Variants in RGMA observed in about 807,000 individuals in gnomAD.
RGMA encodes repulsive guidance molecule BMP co-receptor a.
Under a neutral mutation model 23.2 loss-of-function variants are expected in RGMA, and 10 were observed. The ratio of observed to expected loss-of-function variants is 0.43; its 90% CI spans 0.27 to 0.73. The LOEUF (loss-of-function observed/expected upper bound fraction) is 0.73, where lower values mean the gene tolerates loss of function less well. Among genes scored for constraint, RGMA ranks in the 30% least tolerant of loss-of-function variants. The probability of loss-of-function intolerance (pLI) is 0.20; values close to 1 mark genes in which losing one functional copy is unlikely to be tolerated. For synonymous variants in RGMA, 308 were observed against 279.3 expected (o/e 1.10, Z -1.03); for missense variants, 547 against 630.5 (o/e 0.87, Z 1.42).
At chr15:93,065,920 G>C (rs1417283296) in intron 2 of RGMA, 7 of 729,714 alleles carry the variant, frequency 9.6e-6, no homozygotes, top group Non-Finnish European at 1.2e-5. Flanking sequence ...GGGGGGCCGA[G>C]GGACTCGCAC....
chr15:93,073,096 T>A lies in RGMA; in HGVS notation c.15-65A>T, dbSNP rs997920136. The A allele has an allele frequency of 5.6e-6, 8 of 1,419,948 alleles. No individual in the cohort carries two copies. In the Admixed American group the frequency reaches 7.6e-5, roughly 14 times the overall value. The allele number at this position is 1,419,948 out of a possible 1,614,324, so 88.0% of individuals were successfully genotyped here. ...CGCTGCGAAGAAAGGGCAGCCTCGC[T>A]CCGCCGGCGGGAGCAGCGAGCCGGG... On this transcript the variant is annotated intron_variant, in intron 1 of 3. Coordinates refer to ENST00000329082, the MANE Select transcript of RGMA (RefSeq NM_020211.3).
At chr15:93,058,597 T>C (rs1475912838) in intron 2 of RGMA, among the ~76,000 whole-genome samples, 1 of 152,216 alleles carries the variant, frequency 6.6e-6, no homozygotes, top group Non-Finnish European at 1.5e-5. Flanking sequence ...TAGCCCTTAA[T>C]ATAGACCCAG....
chr15:93,064,521 T>C (rs1485271199), intron 2 of RGMA, among the ~76,000 whole-genome samples: 2 of 152,100 alleles, frequency 1.3e-5, no homozygotes, highest in East Asian at 3.9e-4. Flanking sequence ...CTTCTGCGTG[T>C]GGGGGAAGAA....
At position 93,037,259 on chromosome 15, in the gene RGMA, C is replaced by T. The variant is rs2054671245; in HGVS notation, c.*7739G>A. 1 of 152,260 alleles carries T rather than the reference C, an allele frequency of 6.6e-6. No homozygotes were observed. The highest frequency in any genetic ancestry group is 2.4e-5 in the African/African-American group (1 of 41,468). 9.4% of individuals were successfully genotyped at this position (152,260 alleles called of 1,614,324 possible). A position where few individuals can be genotyped will look rare whatever the true frequency, so the allele number is the denominator to read the frequency against. On this transcript the variant is annotated 3_prime_UTR_variant, in exon 4 of 4. Transcript: ENST00000329082. The surrounding 1 kb of genome is among the most constrained non-coding windows in gnomAD (Gnocchi z 4.3). ...CTGAGGCTGCAAAACAAGGAAAACC[C>T]ACCCTTTTCATGCAGCCAGTAGGTG...
Position 93,043,576 on chromosome 15 carries a change from A to ACTT in RGMA, c.*1419_*1421dup, listed in dbSNP as rs2054759157. 1 of 152,388 alleles carries ACTT rather than the reference A, an allele frequency of 6.6e-6. No individual in the cohort carries two copies. Among genetic ancestry groups the ACTT allele is most frequent in the Non-Finnish European group, 1.5e-5 (1 of 68,038 alleles). The allele number at this position is 152,388 out of a possible 1,614,324, so 9.4% of individuals were successfully genotyped here. ...AAACACAACCAAAATAAAGTGCTTC[A>ACTT]CTTTTTACTTCCAACATAGGGACCA... is the stretch of plus-strand genomic sequence containing the variant. On this transcript the variant is annotated 3_prime_UTR_variant, in exon 4 of 4. Coordinates refer to ENST00000329082, the MANE Select transcript of RGMA (RefSeq NM_020211.3).
At chr15:93,068,236 A>T (rs1895218868) in intron 2 of RGMA, among the ~76,000 whole-genome samples, 1 of 152,098 alleles carries the variant, frequency 6.6e-6, no homozygotes, top group Non-Finnish European at 1.5e-5. Flanking sequence ...GGCTGGTTGA[A>T]TTTTTGCCAA....
rs1023206751 is a variant in RGMA at position 93,039,591 on chromosome 15, T to A, written c.*5407A>T. ...CCCCAGTGTGTGATGTTCCCTTCCC[T>A]GTGTCCATGTGTTCTCATTGTTCAA... On this transcript the variant is annotated 3_prime_UTR_variant, in exon 4 of 4. Coordinates refer to ENST00000329082, the MANE Select transcript of RGMA (RefSeq NM_020211.3). The A allele has an allele frequency of 6.6e-6, 1 of 150,892 alleles. No homozygotes were observed. The highest frequency in any genetic ancestry group is 2.4e-5 in the African/African-American group (1 of 41,000). The allele number at this position is 150,892 out of a possible 1,614,324, so 9.3% of individuals were successfully genotyped here.
chr15:93,075,786 G>A (rs1231722513), intron 1 of RGMA, among the ~76,000 whole-genome samples: 2 of 152,180 alleles, frequency 1.3e-5, no homozygotes, highest in African/African-American at 2.4e-5. Context: ...CTTGCGACAT[G>A]AGCAAATAAT....
chr15:93,043,593 T>C lies in RGMA; in HGVS notation c.*1405A>G, dbSNP rs1006300928. 2 of 152,160 alleles carry C rather than the reference T, an allele frequency of 1.3e-5. No homozygotes were observed. Among genetic ancestry groups the C allele is most frequent in the African/African-American group, 4.8e-5 (2 of 41,332 alleles). 9.4% of individuals were successfully genotyped at this position (152,160 alleles called of 1,614,324 possible). A position where few individuals can be genotyped will look rare whatever the true frequency, so the allele number is the denominator to read the frequency against. On this transcript the variant is annotated 3_prime_UTR_variant, in exon 4 of 4. Transcript: ENST00000329082. ...AGTGCTTCACTTTTTACTTCCAACATAGGGACCAACTAAAACCAGCAGGGA... is the reference window on the plus strand; with the variant it reads ...AGTGCTTCACTTTTTACTTCCAACACAGGGACCAACTAAAACCAGCAGGGA...
At chr15:93,053,050 C>T (rs1257538105) in intron 2 of RGMA, among the ~76,000 whole-genome samples, 1 of 152,148 alleles carries the variant, frequency 6.6e-6, no homozygotes. Context: ...TAGTCTGGCC[C>T]CAGCATTCAC....
rs1257319033 is a variant in RGMA at position 93,036,606 on chromosome 15, G to A, written c.*8392C>T. 6.6e-6 allele frequency: 1 copy of A among 152,528 alleles called. No individual in the cohort carries two copies. The highest frequency in any genetic ancestry group is 1.5e-5 in the Non-Finnish European group (1 of 68,308). 9.4% of individuals were successfully genotyped at this position (152,528 alleles called of 1,614,324 possible). A position where few individuals can be genotyped will look rare whatever the true frequency, so the allele number is the denominator to read the frequency against. ...GAGCCCCTCCTCAGTCAGCCTCCCA[G>A]TGGGGGCCTGGCCCCACCCTCTGCT... On this transcript the variant is annotated 3_prime_UTR_variant, in exon 4 of 4. Coordinates refer to ENST00000329082, the MANE Select transcript of RGMA (RefSeq NM_020211.3).
intron 3 of RGMA, 97 bp downstream of exon 3, chr15:93,051,896 A>G: frequency 7.6e-7 from 1 of 1,310,614 alleles, no homozygotes. Context: ...GTCTTCCCCC[A>G]TTCCCAGGCA....
In RGMA at chr15:93,039,077, AG is replaced by A. The variant is rs1279292637; in HGVS notation, c.*5920del. 4.6e-5 allele frequency: 7 copies of A among 152,230 alleles called. No homozygotes were observed. The highest frequency in any genetic ancestry group is 1.7e-4 in the African/African-American group (7 of 41,452). The allele number at this position is 152,230 out of a possible 1,614,324, so 9.4% of individuals were successfully genotyped here. On this transcript the variant is annotated 3_prime_UTR_variant, in exon 4 of 4. Coordinates refer to ENST00000329082, the MANE Select transcript of RGMA (RefSeq NM_020211.3). ...ATAAAAGCGGGCAGAGGAATGTGGA[AG>A]GGCTAGACTGGACGAGTCTTCTGGC...
At chr15:93,060,418 C>G (rs1294748483) in intron 2 of RGMA, among the ~76,000 whole-genome samples, 1 of 152,224 alleles carries the variant, frequency 6.6e-6, no homozygotes, top group African/African-American at 2.4e-5. Context: ...TGCTCTGGCC[C>G]TGTCCAGATC....
intron 1 of RGMA, among the ~76,000 whole-genome samples, chr15:93,077,743 C>T (rs1356169089): frequency 1.3e-5 from 2 of 152,300 alleles, no homozygotes; most frequent in East Asian, 3.9e-4. Flanking sequence ...GCTGCCCTGT[C>T]GCCCAGGAGG....
At chr15:93,069,488 G>A (rs1055539923) in intron 2 of RGMA, among the ~76,000 whole-genome samples, 2 of 152,292 alleles carry the variant, frequency 1.3e-5, no homozygotes, top group South Asian at 2.1e-4. Flanking sequence ...CACTGCAGAG[G>A]GCCTTGGTCT....
intron 1 of RGMA, chr15:93,073,804 T>G: frequency 6.5e-7 from 1 of 1,533,142 alleles, no homozygotes; most frequent in Non-Finnish European, 8.7e-7. Context: ...AGCACCTCGC[T>G]GCTTCCTGAA....
At chr15:93,062,455 G>C (rs528217318) in intron 2 of RGMA, among the ~76,000 whole-genome samples, 16 of 152,344 alleles carry the variant, frequency 1.1e-4, no homozygotes, top group Admixed American at 3.3e-4. Flanking sequence ...TCTGACGACA[G>C]GGACCTCCAG....
At chr15:93,072,801 G>C (rs1222007992) in intron 2 of RGMA, 115 bp downstream of exon 2, 2 of 1,124,866 alleles carry the variant, frequency 1.8e-6, no homozygotes, top group South Asian at 1.6e-5. Context: ...AATAGGAGGC[G>C]GGGTCCGGAG....
Sources: gnomAD v4.1 joint callset for allele counts (sites outside exome capture counted in the v4.1 genomes callset) on GRCh38, gnomAD v4.1.1 for gene constraint, Gnocchi (gnomAD v3.1) non-coding constraint, MANE v1.5 for transcripts, NCBI Gene and HGNC (gene_info 2026-07-23, HGNC 2026-07-21) for gene names.